The following UNC13A variants were observed in gnomAD, a reference collection of about 807,000 sequenced individuals.
UNC13A encodes the protein protein unc-13 homolog A.
In UNC13A, 61 loss-of-function variants were observed where a neutral mutation model predicts 219.7. That is an observed-to-expected ratio of 0.28 (90% confidence interval 0.23 to 0.34). The LOEUF (loss-of-function observed/expected upper bound fraction) is 0.34. UNC13A is among the 10% of genes least tolerant of loss of function. The pLI, the probability that UNC13A is intolerant of heterozygous loss-of-function variation, is 1.00. For synonymous variants in UNC13A, 920 were observed against 884.6 expected, an observed-to-expected ratio of 1.04 and a Z score of -0.71; for missense variants, 1,476 against 2,270.3, an observed-to-expected ratio of 0.65 and a Z score of 7.11.
At chr19:17,630,860 C>T in intron 28 of UNC13A, 110 bp from the exon 29 acceptor site, 2 of 931,902 alleles carry the variant, frequency 2.1e-6, no homozygotes, top group South Asian at 1.6e-5. Flanking sequence ...CCTGCTCTGC[C>T]TGGAGCTCTC....
chr19:17,642,486 T>C (rs761427214), intron 20 of UNC13A, among the ~76,000 whole-genome samples: 1 of 152,200 alleles, frequency 6.6e-6, no homozygotes, highest in Non-Finnish European at 1.5e-5. Flanking sequence ...TTCACCAGCA[T>C]TTATTCAACA....
intron 43 of UNC13A, among the ~76,000 whole-genome samples, chr19:17,607,306 G>C (rs2076542277): frequency 1.3e-5 from 2 of 152,000 alleles, no homozygotes; most frequent in African/African-American, 2.4e-5. Context: ...CTGTCACCCA[G>C]GCTGGAGTGC....
At chr19:17,606,440 CACGCCCACACCGGG>C (rs1037111145) in intron 43 of UNC13A, 86 bp from the exon 44 acceptor site, 51 of 1,483,000 alleles carry the variant, frequency 3.4e-5, no homozygotes, top group Non-Finnish European at 4.4e-5. Flanking sequence ...ATTTGCGGGC[CACGCCCACACCGGG>C]GTGCCCACAC....
Position 17,606,082 on chromosome 19 carries a change from T to G in UNC13A, c.5084A>C (p.Glu1695Ala). Residue 1695 changes from glutamate to alanine, a missense_variant, in exon 44 of 44, where the codon GAG becomes GCG. By Grantham distance (107) the Glu-to-Ala change is moderately radical. Coordinates refer to ENST00000519716, the MANE Select transcript of UNC13A (RefSeq NM_001080421.3). Reference sequence around the variant, plus strand: ...AGGCGCAGGCGCGGCACCGCCCTCCTCGGCGGAGCGCGTGTCCGACTTGAG... The same window carrying G: ...AGGCGCAGGCGCGGCACCGCCCTCCGCGGCGGAGCGCGTGTCCGACTTGAG... The part of the protein sequence containing the change: ...VKLKSDTRSA[E>A]EGGAAPAP 6.3e-7 allele frequency: 1 copy of G among 1,587,448 alleles called. No homozygotes were observed. The highest frequency in any genetic ancestry group is 8.5e-7 in the Non-Finnish European group (1 of 1,170,100).
rs533238192 is a variant in UNC13A, at chr19:17,654,260, G to A, written c.1392+1014C>T. Reference sequence around the variant, plus strand: ...TGTCATATTACTAGTTCCATAGTTTGTTTTTCTTGTATATCACATAGTTCC... The same window carrying A: ...TGTCATATTACTAGTTCCATAGTTTATTTTTCTTGTATATCACATAGTTCC... On this transcript the variant is annotated intron_variant, in intron 11 of 43. Coordinates refer to ENST00000519716, the MANE Select transcript of UNC13A (RefSeq NM_001080421.3). 2.0e-5 allele frequency among the ~76,000 whole-genome samples: 3 copies of A among 152,098 alleles called. 1 individual carries two copies. The South Asian group carries it at 6.2e-4, about 32-fold the overall frequency.
At chr19:17,623,945 G>T (rs547931408) in intron 35 of UNC13A, among the ~76,000 whole-genome samples, 2 of 152,112 alleles carry the variant, frequency 1.3e-5, no homozygotes, top group East Asian at 3.9e-4. Flanking sequence ...TCTCTGGATG[G>T]CCAATGATCT....
chr19:17,643,988 G>A (rs2076997141), intron 19 of UNC13A, among the ~76,000 whole-genome samples: 2 of 152,096 alleles, frequency 1.3e-5, no homozygotes, highest in African/African-American at 4.8e-5. Flanking sequence ...CAATCTAAGA[G>A]GTTTCCGGGC....
intron 35 of UNC13A, among the ~76,000 whole-genome samples, chr19:17,624,410 G>A (rs2076761182): frequency 6.6e-6 from 1 of 152,076 alleles, no homozygotes; most frequent in African/African-American, 2.4e-5. Flanking sequence ...GTGAGCCACG[G>A]TGCCTGGCCA....
Position 17,627,477 on chromosome 19 carries a change from C to T in UNC13A, c.3920+32G>A. On this transcript the variant is annotated intron_variant, in intron 33 of 43. Transcript: ENST00000519716. This position sits in a 1 kb window ranked among gnomAD's most constrained non-coding sequence, Gnocchi z 4.7. Reference sequence around the variant, plus strand: ...TTAGAGGGCTGAAGGCTGTTCCCTCCCCACTGCCCCCAGCCCTGGAGATGC... The same window carrying T: ...TTAGAGGGCTGAAGGCTGTTCCCTCTCCACTGCCCCCAGCCCTGGAGATGC... The T allele has an allele frequency of 1.3e-6, 2 of 1,522,994 alleles. No individual in the cohort carries two copies. Among genetic ancestry groups the T allele is most frequent in the African/African-American group, 1.4e-5 (1 of 72,586 alleles). 94.3% of individuals were successfully genotyped at this position (1,522,994 alleles called of 1,614,324 possible).
Position 17,632,824 on chromosome 19 carries a change from G to A in UNC13A, c.3386C>T (p.Thr1129Met), listed in dbSNP as rs953780016. The change falls in exon 28 of 44, where the codon ACG becomes ATG. Residue 1129 changes from threonine (T) to methionine (M), a missense_variant. By Grantham distance (81) the Thr-to-Met change is moderately conservative. This residue lies in a region of UNC13A where 218 missense variants were observed against 409.4 expected (regional missense o/e 0.53). Transcript: ENST00000519716. ...GCGGTCCTTGAAGGCGGGAAGTTCCGTCACATACTCATTGTAGAGCCATTT... is the reference window on the plus strand; with the variant it reads ...GCGGTCCTTGAAGGCGGGAAGTTCCATCACATACTCATTGTAGAGCCATTT... Reference protein sequence around the residue: ...KVKWLYNEYVTELPAFKDRVP... With the variant: ...KVKWLYNEYVMELPAFKDRVP... 19 of 1,613,830 alleles carry A rather than the reference G, an allele frequency of 1.2e-5. No individual in the cohort carries two copies. The highest frequency in any genetic ancestry group is 1.4e-5 in the Non-Finnish European group (16 of 1,179,888).
intron 26 of UNC13A, 93 bp from the exon 27 acceptor site, chr19:17,633,286 G>T: frequency 8.2e-7 from 1 of 1,226,652 alleles, no homozygotes; most frequent in Non-Finnish European, 1.2e-6. Context: ...GGAGTGTAGG[G>T]TAGGGTAGAG....
At chr19:17,669,887 C>CTTCCT (rs2079747492) in intron 4 of UNC13A, among the ~76,000 whole-genome samples, 1 of 150,936 alleles carries the variant, frequency 6.6e-6, no homozygotes, top group Non-Finnish European at 1.5e-5. Flanking sequence ...CCCTTCCTCC[C>CTTCCT]TTCCTTCCTT....
intron 26 of UNC13A, 144 bp downstream of exon 26, chr19:17,635,880 T>C (rs2076908220): frequency 2.1e-6 from 2 of 967,830 alleles, no homozygotes; most frequent in Non-Finnish European, 2.9e-6. Flanking sequence ...TATTTGAATT[T>C]TGCACAGGTA....
rs1329985098 is a variant in UNC13A at position 17,674,348 on chromosome 19, A to AT, written c.152+308dup. Among the ~76,000 whole-genome samples, 1 of 152,162 alleles carries AT rather than the reference A, an allele frequency of 6.6e-6. No homozygotes were observed. On this transcript the variant is annotated intron_variant, in intron 3 of 43. Transcript: ENST00000519716. This position sits in a 1 kb window ranked among gnomAD's most constrained non-coding sequence, Gnocchi z 5.0. ...AAGTTTGGAACATGGGAGCGACAGG[A>AT]TGTGATTTGCAGTTTTAAAAATATC...
At chr19:17,630,614 TG>T in intron 29 of UNC13A, 39 bp downstream of exon 29, 1 of 1,606,136 alleles carries the variant, frequency 6.2e-7, no homozygotes, top group Non-Finnish European at 8.5e-7. Context: ...TTGACCCCAG[TG>T]GGAAGATTAG....
intron 9 of UNC13A, among the ~76,000 whole-genome samples, chr19:17,657,566 C>A (rs2079479508): frequency 6.6e-6 from 1 of 152,160 alleles, no homozygotes; most frequent in South Asian, 2.1e-4. Context: ...ATTCAACGAA[C>A]CTTATCATTT....
In UNC13A at chr19:17,656,257, G is replaced by A; in HGVS notation, c.909C>T (p.Ser303=). 6.4e-7 allele frequency: 1 copy of A among 1,551,924 alleles called. No individual in the cohort carries two copies. ...TGTGGTAGCTGACCGAGCTGTGGCA[G>A]GAGTGGTAGGAGTCCCGGTCCCGCT... is the stretch of plus-strand genomic sequence containing the variant. The part of the protein sequence containing the change: ...EDERDRDSYH[S]CHSSVSYHKD... Residue 303 remains serine, a synonymous_variant, in exon 10 of 44, where the codon TCC becomes TCT. Transcript: ENST00000519716.
At chr19:17,675,063 C>T (rs1568273129) in intron 2 of UNC13A, among the ~76,000 whole-genome samples, 1 of 152,306 alleles carries the variant, frequency 6.6e-6, no homozygotes, top group East Asian at 1.9e-4. Flanking sequence ...TGCAGTGGCT[C>T]GCGCCTATAA....
At chr19:17,650,284 C>A (rs1444657691) in intron 12 of UNC13A, among the ~76,000 whole-genome samples, 1 of 152,054 alleles carries the variant, frequency 6.6e-6, no homozygotes, top group East Asian at 1.9e-4. Flanking sequence ...GAGGCCGAGG[C>A]GGGCGGATCA....
Sources: gnomAD v4.1 joint callset for allele counts (sites outside exome capture counted in the v4.1 genomes callset) on GRCh38, gnomAD v4.1.1 for gene constraint, gnomAD v4.1.1 regional missense constraint, Gnocchi (gnomAD v3.1) non-coding constraint, MANE v1.5 for transcripts, NCBI Gene and HGNC (gene_info 2026-07-23, HGNC 2026-07-21) for gene names.